The following RIMBP2 variants were observed in gnomAD, a reference collection of about 807,000 sequenced individuals.
RIMBP2 encodes the protein RIMS binding protein 2.
RIMBP2 carries 48 observed loss-of-function variants against 118.6 expected under a neutral mutation model. The observed-to-expected ratio is 0.40, with a 90% confidence interval of 0.32 to 0.51. RIMBP2 has a LOEUF of 0.51. Ranked by LOEUF, RIMBP2 falls within the 20% of genes least tolerant of loss-of-function variation. The pLI is 0.41. For synonymous variants in RIMBP2, 762 were observed against 742.9 expected (o/e 1.03, Z -0.42); for missense variants, 1,551 against 1,768.3 (o/e 0.88, Z 2.20).
intron 4 of RIMBP2, among the ~76,000 whole-genome samples, chr12:130,485,342 G>C (rs537507448): frequency 8.9e-4 from 136 of 152,374 alleles, no homozygotes; most frequent in African/African-American, 3.1e-3. Flanking sequence ...CAGGGAAGCT[G>C]AGCAAGGGCT....
intron 2 of RIMBP2, among the ~76,000 whole-genome samples, chr12:130,518,179 G>A (rs2051675622): frequency 6.6e-6 from 1 of 152,128 alleles, no homozygotes; most frequent in African/African-American, 2.4e-5. Context: ...TAGTGTCTGT[G>A]TCCTAAAAAA....
chr12:130,438,574 G>A (rs900434730), intron 11 of RIMBP2, 58 bp from the exon 12 acceptor site: 44 of 1,434,014 alleles, frequency 3.1e-5, no homozygotes, highest in East Asian at 1.5e-4. Context: ...CAGGTGAGCC[G>A]TGACTGGGCT....
intron 1 of RIMBP2, among the ~76,000 whole-genome samples, chr12:130,682,999 G>A (rs370667960): frequency 1.4e-4 from 21 of 152,202 alleles, no homozygotes; most frequent in Middle Eastern, 3.4e-3. Flanking sequence ...TAATTATGTC[G>A]GAGGCGCACT....
chr12:130,524,001 T>C (rs1012320230), intron 2 of RIMBP2, among the ~76,000 whole-genome samples: 2 of 152,056 alleles, frequency 1.3e-5, no homozygotes, highest in African/African-American at 4.8e-5. Flanking sequence ...ACCATGAACA[T>C]CCAATCTCCT....
chr12:130,610,787 C>T (rs1188564467), intron 2 of RIMBP2, among the ~76,000 whole-genome samples: 1 of 151,802 alleles, frequency 6.6e-6, no homozygotes, highest in Admixed American at 6.6e-5. Context: ...GTCTCGATCT[C>T]CTGACCTCGT....
At position 130,446,796 on chromosome 12, in the gene RIMBP2, G is replaced by A. The variant is rs1348611151; in HGVS notation, c.582-1527C>T. Among the ~76,000 whole-genome samples the A allele has an allele frequency of 6.6e-6, 1 of 152,194 alleles. No individual in the cohort carries two copies. The highest frequency in any genetic ancestry group is 2.4e-5 in the African/African-American group (1 of 41,448). On this transcript the variant is annotated intron_variant, in intron 9 of 22. Transcript: ENST00000690449. The surrounding 1 kb of genome is among the most constrained non-coding windows in gnomAD (Gnocchi z 4.1). The stretch of plus-strand genomic sequence containing the variant: ...GCCAGGGAGCGACAGGATCATGTTT[G>A]CGTTTTACAAAGAGACCTCGTGGGT...
At chr12:130,505,041 G>A (rs1032904507) in intron 4 of RIMBP2, among the ~76,000 whole-genome samples, 2 of 152,182 alleles carry the variant, frequency 1.3e-5, no homozygotes, top group African/African-American at 4.8e-5. Flanking sequence ...CTGTGTCCCA[G>A]GCACTAAAGG....
chr12:130,486,152 G>A (rs7960287), intron 4 of RIMBP2, among the ~76,000 whole-genome samples: 11,745 of 152,052 alleles, frequency 0.077, 1,232 homozygotes, highest in African/African-American at 0.24. Context: ...CCTGTCACTC[G>A]GCTGAGATTC....
At chr12:130,539,010 C>T (rs1032875542) in intron 2 of RIMBP2, among the ~76,000 whole-genome samples, 4 of 152,146 alleles carry the variant, frequency 2.6e-5, no homozygotes, top group African/African-American at 7.2e-5. Flanking sequence ...CTGGGGCTGT[C>T]GATGATCTTC....
Position 130,438,394 on chromosome 12 carries a change from C to T in RIMBP2, c.1627G>A (p.Gly543Ser), listed in dbSNP as rs371350349. 5.0e-6 allele frequency: 8 copies of T among 1,613,246 alleles called. No homozygotes were observed. Among genetic ancestry groups the T allele is most frequent in the African/African-American group, 1.3e-5 (1 of 74,792 alleles). ...TGCCCTTTGGCATACACGCCGTAGC[C>T]GGTAACGTTTGCGCCATTGGACAGC... ...TGLSNGANVT[G>S]YGVYAKGQRV... Residue 543 changes from glycine to serine, a missense_variant, in exon 12 of 23, where the codon GGC (glycine) becomes AGC (serine). Physicochemically the swap from Gly to Ser is moderately conservative, Grantham distance 56. Coordinates refer to ENST00000690449, the MANE Select transcript of RIMBP2 (RefSeq NM_001393629.1).
chr12:130,409,102 T>C (rs2075452986), intron 19 of RIMBP2, among the ~76,000 whole-genome samples: 1 of 152,166 alleles, frequency 6.6e-6, no homozygotes, highest in Non-Finnish European at 1.5e-5. Flanking sequence ...ACAACATACA[T>C]GTACTTCTCA....
chr12:130,667,652 C>T (rs554631950), intron 1 of RIMBP2: 2 of 152,294 alleles, frequency 1.3e-5, no homozygotes, highest in East Asian at 1.9e-4. Flanking sequence ...GAGGACTGGT[C>T]GTGAAGGAAA....
rs372195895 is a variant in RIMBP2, at chr12:130,438,237, G to A, written c.1656+128C>T. 341 of 1,049,054 alleles carry A rather than the reference G, an allele frequency of 3.3e-4. 3 individuals are homozygous for A. In the African/African-American group the frequency reaches 4.9e-3, roughly 15 times the overall value. The allele number at this position is 1,049,054 out of a possible 1,614,324, so 65.0% of individuals were successfully genotyped here. The stretch of plus-strand genomic sequence containing the variant: ...GGTTCACGCTGATGGAGTCTTCGGG[G>A]TTGAGGGTGCCTCCAGTGATCAGGG... On this transcript the variant is annotated intron_variant, in intron 12 of 22. Coordinates refer to ENST00000690449, the MANE Select transcript of RIMBP2 (RefSeq NM_001393629.1).
intron 5 of RIMBP2, among the ~76,000 whole-genome samples, chr12:130,473,449 T>C (rs534104119): frequency 6.6e-6 from 1 of 152,198 alleles, no homozygotes; most frequent in East Asian, 1.9e-4. Flanking sequence ...GGGATGGCGC[T>C]CACAGAAGGG....
chr12:130,485,161 G>A (rs1358121063), intron 4 of RIMBP2, among the ~76,000 whole-genome samples: 1 of 152,232 alleles, frequency 6.6e-6, no homozygotes, highest in Non-Finnish European at 1.5e-5. Flanking sequence ...CCAACAGGAT[G>A]ATGGACAGCT....
chr12:130,442,739 C>G lies in RIMBP2; in HGVS notation c.692-79G>C. 3 of 1,212,164 alleles carry G rather than the reference C, an allele frequency of 2.5e-6. No individual in the cohort carries two copies. The highest frequency in any genetic ancestry group is 3.5e-6 in the Non-Finnish European group (3 of 861,572). 75.1% of individuals were successfully genotyped at this position (1,212,164 alleles called of 1,614,324 possible). On this transcript the variant is annotated intron_variant, in intron 10 of 22. Coordinates refer to ENST00000690449, the MANE Select transcript of RIMBP2 (RefSeq NM_001393629.1). This position sits in a 1 kb window ranked among gnomAD's most constrained non-coding sequence, Gnocchi z 6.9. Reference sequence around the variant, plus strand: ...GGCCCCCAGTGTACTCCCACCTCCCCCACCAGGACCATAAGGCAGAGCAAC... The same window carrying G: ...GGCCCCCAGTGTACTCCCACCTCCCGCACCAGGACCATAAGGCAGAGCAAC...
At chr12:130,432,535 A>G (rs2077216449) in intron 14 of RIMBP2, among the ~76,000 whole-genome samples, 1 of 152,126 alleles carries the variant, frequency 6.6e-6, no homozygotes, top group South Asian at 2.1e-4. Flanking sequence ...TTATTTGGAG[A>G]TGAGCTATTT....
intron 3 of RIMBP2, among the ~76,000 whole-genome samples, chr12:130,507,640 G>A (rs1166405743): frequency 6.6e-6 from 1 of 152,198 alleles, no homozygotes; most frequent in East Asian, 1.9e-4. Context: ...GAAGGCAAGC[G>A]CCATGTTCAG....
intron 1 of RIMBP2, among the ~76,000 whole-genome samples, chr12:130,663,850 G>T (rs2063757987): frequency 6.6e-6 from 1 of 151,674 alleles, no homozygotes; most frequent in Admixed American, 6.6e-5. Context: ...ATATGCACAG[G>T]TTATTCCATA....
Sources: gnomAD v4.1 joint callset for allele counts (sites outside exome capture counted in the v4.1 genomes callset) on GRCh38, gnomAD v4.1.1 for gene constraint, Gnocchi (gnomAD v3.1) non-coding constraint, MANE v1.5 for transcripts, NCBI Gene and HGNC (gene_info 2026-07-23, HGNC 2026-07-21) for gene names.